SHISA9: variants seen among roughly 807,000 people sequenced by gnomAD.
SHISA9 encodes protein shisa-9.
Under a neutral mutation model 38.0 loss-of-function variants are expected in SHISA9, and 13 were observed. The observed-to-expected ratio is 0.34, with a 90% CI of 0.22 to 0.54. The LOEUF is 0.54. SHISA9 is among the 20% of genes least tolerant of loss of function. SHISA9 has a pLI of 0.91. For missense variants in SHISA9, 538 were observed against 575.8 expected (o/e 0.93, Z 0.67); for synonymous variants, 275 against 242.0 (o/e 1.14, Z -1.27).
chr16:13,186,770 C>G (rs897162017), intron 2 of SHISA9, among the ~76,000 whole-genome samples: 2 of 152,154 alleles, frequency 1.3e-5, no homozygotes, highest in Non-Finnish European at 2.9e-5. Flanking sequence ...CTTTCCATCT[C>G]TATGAATTTG....
intron 2 of SHISA9, among the ~76,000 whole-genome samples, chr16:13,003,859 AAATAATAATAAT>A (rs759908367): frequency 1.4e-5 from 2 of 140,684 alleles, no homozygotes; most frequent in African/African-American, 3.0e-5. Flanking sequence ...CTCCGTCTCA[AAATAATAATAAT>A]AATAATAATA....
chr16:12,991,338 G>C (rs529694590), intron 2 of SHISA9, among the ~76,000 whole-genome samples: 103 of 152,246 alleles, frequency 6.8e-4, no homozygotes, highest in Non-Finnish European at 1.1e-3. Context: ...TGTTTGGTAA[G>C]AGCTGTCTAG....
chr16:12,972,879 G>T (rs7194793), intron 2 of SHISA9, among the ~76,000 whole-genome samples: 57,170 of 151,794 alleles, frequency 0.38, 11,287 homozygotes, highest in Middle Eastern at 0.52. Context: ...ATTTTGGGAG[G>T]CCGAGGTGGG....
chr16:12,911,236 C>A, intron 1 of SHISA9: 2 of 982,108 alleles, frequency 2.0e-6, no homozygotes. Context: ...TAACAAGATC[C>A]CCAGGTGATC....
chr16:13,391,810 G>A, the SHISA9 span, among the ~76,000 whole-genome samples: 2 of 152,180 alleles, frequency 1.3e-5, no homozygotes, highest in African/African-American at 4.8e-5. Flanking sequence ...AGGTAAAGTA[G>A]CTCAATAAAT....
At chr16:13,031,196 T>A (rs1313591407) in intron 2 of SHISA9, among the ~76,000 whole-genome samples, 1 of 152,200 alleles carries the variant, frequency 6.6e-6, no homozygotes, top group Non-Finnish European at 1.5e-5. Flanking sequence ...TAACCCCTCT[T>A]CTGCCTCTGC....
At chr16:13,418,346 A>G in the SHISA9 span, among the ~76,000 whole-genome samples, 1 of 152,184 alleles carries the variant, frequency 6.6e-6, no homozygotes, top group Non-Finnish European at 1.5e-5. Flanking sequence ...TCCATGTTCC[A>G]CAATGTCTAG....
intron 2 of SHISA9, among the ~76,000 whole-genome samples, chr16:13,157,986 T>C (rs2050562201): frequency 6.6e-6 from 1 of 152,120 alleles, no homozygotes; most frequent in African/African-American, 2.4e-5. Context: ...CCTCAGTTAG[T>C]CTGAAACAAG....
At chr16:13,292,480 G>A in the SHISA9 span, among the ~76,000 whole-genome samples, 2 of 152,046 alleles carry the variant, frequency 1.3e-5, no homozygotes, top group Non-Finnish European at 2.9e-5. Flanking sequence ...CAAATCTAGT[G>A]ACAGATTTTC....
At chr16:12,914,735 C>A (rs1242427671) in intron 1 of SHISA9, among the ~76,000 whole-genome samples, 1 of 152,190 alleles carries the variant, frequency 6.6e-6, no homozygotes, top group Non-Finnish European at 1.5e-5. Flanking sequence ...TCGACAGTTC[C>A]CCATGCTTGG....
intron 2 of SHISA9, among the ~76,000 whole-genome samples, chr16:12,920,152 A>G (rs1453160337): frequency 6.9e-6 from 1 of 144,690 alleles, no homozygotes; most frequent in East Asian, 2.2e-4. Flanking sequence ...TTCTTGAAAT[A>G]CAGTTTTTGT....
the SHISA9 span, among the ~76,000 whole-genome samples, chr16:13,367,270 CAG>C: frequency 6.7e-6 from 1 of 149,554 alleles, no homozygotes; most frequent in African/African-American, 2.5e-5. Flanking sequence ...AGACATCCTG[CAG>C]AGTTTGTTCT....
intron 2 of SHISA9, among the ~76,000 whole-genome samples, chr16:13,144,568 A>G (rs944082429): frequency 1.3e-5 from 2 of 152,168 alleles, no homozygotes; most frequent in Non-Finnish European, 2.9e-5. Context: ...CCATGTGCAT[A>G]TTACGAGGTC....
In SHISA9 at chr16:12,994,205, C is replaced by T. The variant is rs115410447; in HGVS notation, c.691+77390C>T. ...AAGGGCTGAGGGAGCCAGGGATAGT[C>T]GTTGGAAGGCTGTTGTAGACATCCA... On this transcript the variant is annotated intron_variant, in intron 2 of 4. Transcript: ENST00000558583. Among the ~76,000 whole-genome samples, 653 of 152,224 alleles carry T rather than the reference C, an allele frequency of 4.3e-3. 4 individuals carry two copies. Among genetic ancestry groups the T allele is most frequent in the African/African-American group, 0.015 (628 of 41,528 alleles).
At chr16:13,352,533 T>G in the SHISA9 span, among the ~76,000 whole-genome samples, 2,985 of 152,182 alleles carry the variant, frequency 0.02, 43 homozygotes, top group Middle Eastern at 0.037. Flanking sequence ...AGTGGAAATG[T>G]AAGGGCTCCT....
At chr16:13,510,729 A>G in the SHISA9 span, among the ~76,000 whole-genome samples, 1 of 152,214 alleles carries the variant, frequency 6.6e-6, no homozygotes, top group Non-Finnish European at 1.5e-5. Flanking sequence ...CAGCCTATAG[A>G]AATAATGATA....
At chr16:13,313,757 G>T in the SHISA9 span, among the ~76,000 whole-genome samples, 27,361 of 152,150 alleles carry the variant, frequency 0.18, 2,555 homozygotes, top group Middle Eastern at 0.24. Flanking sequence ...TAAGCAAAAT[G>T]CTATGCATAG....
chr16:13,011,117 G>A (rs188656631), intron 2 of SHISA9, among the ~76,000 whole-genome samples: 2 of 152,284 alleles, frequency 1.3e-5, no homozygotes, highest in South Asian at 2.1e-4. Flanking sequence ...TGGAGTTTAC[G>A]TTCTTGCTCA....
the SHISA9 span, among the ~76,000 whole-genome samples, chr16:13,552,156 C>G: frequency 6.9e-4 from 105 of 152,228 alleles, no homozygotes; most frequent in African/African-American, 2.5e-3. Context: ...AAGATGCAGG[C>G]TTCTCCAGAA....
Sources: allele counts gnomAD v4.1 joint callset (sites outside exome capture counted in the v4.1 genomes callset), GRCh38; gene constraint gnomAD v4.1.1; transcripts MANE v1.5; gene names NCBI Gene and HGNC (gene_info 2026-07-23, HGNC 2026-07-21).